KIAA2012: variants seen among roughly 807,000 people sequenced by gnomAD.
KIAA2012 encodes KIAA2012, also known as uncharacterized protein KIAA2012.
A neutral mutation model predicts 150.6 loss-of-function variants in KIAA2012; 125 were observed. The ratio of observed to expected loss-of-function variants is 0.83; its 90% CI spans 0.72 to 0.96. The LOEUF (loss-of-function observed/expected upper bound fraction) is 0.96. Ranked by LOEUF, KIAA2012 falls within the 40% of genes least tolerant of loss-of-function variation. The pLI, the probability that KIAA2012 is intolerant of heterozygous loss-of-function variation, is 0.00. For synonymous variants in KIAA2012, 462 were observed against 504.7 expected (o/e 0.92, Z 1.13); for missense variants, 1,219 against 1,354.9 (o/e 0.90, Z 1.57).
In KIAA2012 at chr2:202,162,802, C is replaced by G. The variant is rs1477660409; in HGVS notation, c.2047-2482C>G. ...AAAATTAGCTGGGCGTGGTGGCGGG[C>G]GCCTATAGTCCCAGCTACTTGGGAG... On this transcript the variant is annotated intron_variant, in intron 14 of 23. Coordinates refer to ENST00000498697, the MANE Select transcript of KIAA2012 (RefSeq NM_001277372.4). Among the ~76,000 whole-genome samples the G allele has an allele frequency of 3.3e-5, 5 of 150,868 alleles. No homozygotes were observed. The East Asian group carries it at 1.0e-3, about 31-fold the overall frequency.
chr2:202,109,905 A>G (rs1690302373), intron 10 of KIAA2012, 116 bp downstream of exon 10: 1 of 871,904 alleles, frequency 1.1e-6, no homozygotes, highest in Non-Finnish European at 1.7e-6. Flanking sequence ...GAAAAGGGGT[A>G]ATTGACACTG....
intron 12 of KIAA2012, among the ~76,000 whole-genome samples, chr2:202,128,146 G>A (rs1181289282): frequency 6.6e-6 from 1 of 151,982 alleles, no homozygotes. Context: ...CTGCCGATGG[G>A]GTGACACTCA....
chr2:202,168,419 AAAAAAAAAAAAAAAAGAAAG>A lies in KIAA2012; in HGVS notation c.2119+3073_2119+3092del, dbSNP rs1205484163. On this transcript the variant is annotated intron_variant, in intron 15 of 23. Coordinates refer to ENST00000498697, the MANE Select transcript of KIAA2012 (RefSeq NM_001277372.4). Reference sequence around the variant, plus strand: ...GACGACAGAGCAAGACTCTGTCTCAAAAAAAAAAAAAAAAAGAAAGAAAAAAAAAGAAAAGTACCCATCAC... The same window carrying A: ...GACGACAGAGCAAGACTCTGTCTCAAAAAAAAAAAGAAAAGTACCCATCAC... Among the ~76,000 whole-genome samples, 6 of 59,338 alleles carry A rather than the reference AAAAAAAAAAAAAAAAGAAAG, an allele frequency of 1.0e-4. No homozygotes were observed. The South Asian group carries it at 1.5e-3, about 15-fold the overall frequency. 38.9% of individuals were successfully genotyped at this position (59,338 alleles called of 152,430 possible).
chr2:202,105,223 G>T (rs1480608390), intron 8 of KIAA2012, among the ~76,000 whole-genome samples: 1 of 150,480 alleles, frequency 6.6e-6, no homozygotes, highest in Non-Finnish European at 1.5e-5. Flanking sequence ...GGGAAGGAAG[G>T]GAAGAAAGGA....
chr2:202,091,650 T>G (rs1689726820), intron 3 of KIAA2012, among the ~76,000 whole-genome samples: 1 of 152,222 alleles, frequency 6.6e-6, no homozygotes, highest in South Asian at 2.1e-4. Context: ...ATCTTCGGGA[T>G]GTACTTCTAC....
chr2:202,184,882 T>G (rs1692196936), intron 16 of KIAA2012, 39 bp downstream of exon 16: 1 of 1,460,626 alleles, frequency 6.8e-7, no homozygotes, highest in Admixed American at 2.4e-5. Context: ...GCTTCTCTGC[T>G]TTTATTTTGT....
At chr2:202,171,939 C>A (rs2105729719) in intron 15 of KIAA2012, among the ~76,000 whole-genome samples, 1 of 151,782 alleles carries the variant, frequency 6.6e-6, no homozygotes, top group Non-Finnish European at 1.5e-5. Flanking sequence ...CTCCGCCTCC[C>A]AGGTTCAAGC....
At chr2:202,124,697 TA>T (rs1455806175) in intron 11 of KIAA2012, among the ~76,000 whole-genome samples, 1 of 152,226 alleles carries the variant, frequency 6.6e-6, no homozygotes, top group Non-Finnish European at 1.5e-5. Context: ...ACATCTTAGA[TA>T]AAAACATTAT....
chr2:202,120,853 GAAT>G (rs938873405), intron 11 of KIAA2012, among the ~76,000 whole-genome samples: 86 of 152,238 alleles, frequency 5.6e-4, no homozygotes, highest in African/African-American at 2.0e-3. Flanking sequence ...AATATTGACT[GAAT>G]AATATTTATA....
chr2:202,199,122 AG>A (rs1692466206), intron 22 of KIAA2012, among the ~76,000 whole-genome samples: 1 of 152,238 alleles, frequency 6.6e-6, no homozygotes, highest in Non-Finnish European at 1.5e-5. Flanking sequence ...TAGTCCAAGT[AG>A]CCGAAAGCAG....
chr2:202,188,411 C>T (rs930048320), intron 18 of KIAA2012, 145 bp downstream of exon 18: 3 of 635,918 alleles, frequency 4.7e-6, no homozygotes, highest in Non-Finnish European at 8.1e-6. Context: ...GGTGTTGCAG[C>T]CTTATGTCAT....
intron 15 of KIAA2012, among the ~76,000 whole-genome samples, chr2:202,182,796 G>A (rs1692148582): frequency 6.6e-6 from 1 of 152,160 alleles, no homozygotes; most frequent in Non-Finnish European, 1.5e-5. Context: ...CAGTAGATGA[G>A]AGTTCCAGTT....
intron 10 of KIAA2012, among the ~76,000 whole-genome samples, chr2:202,112,054 T>C (rs1419035642): frequency 6.6e-6 from 1 of 152,204 alleles, no homozygotes; most frequent in African/African-American, 2.4e-5. Flanking sequence ...TGGAATTTTC[T>C]GAATGATAGT....
At chr2:202,149,501 G>C (rs1001278316) in intron 13 of KIAA2012, among the ~76,000 whole-genome samples, 1 of 152,182 alleles carries the variant, frequency 6.6e-6, no homozygotes, top group Non-Finnish European at 1.5e-5. Context: ...GCAGGTTCCC[G>C]GAGCCTCTTG....
chr2:202,185,440 C>T (rs1193876634), intron 16 of KIAA2012, among the ~76,000 whole-genome samples: 2 of 152,156 alleles, frequency 1.3e-5, no homozygotes, highest in African/African-American at 4.8e-5. Context: ...CTGCTGTCAC[C>T]TGCCCAGGGA....
chr2:202,204,085 T>TGG (rs1692589954), intron 23 of KIAA2012, among the ~76,000 whole-genome samples: 1 of 151,242 alleles, frequency 6.6e-6, no homozygotes, highest in Admixed American at 6.6e-5. Context: ...TGTTTTTTTT[T>TGG]TTTTTTTTTA....
chr2:202,099,558 G>T, intron 5 of KIAA2012, 55 bp from the exon 6 acceptor site: 1 of 1,427,682 alleles, frequency 7.0e-7, no homozygotes, highest in South Asian at 1.4e-5. Flanking sequence ...AAAGAAACCT[G>T]CTCTGCCCCT....
chr2:202,097,343 T>C, intron 4 of KIAA2012, 92 bp from the exon 5 acceptor site: 1 of 1,518,934 alleles, frequency 6.6e-7, no homozygotes, highest in Non-Finnish European at 8.8e-7. Context: ...GCACTTTTAC[T>C]CAGAGAAGCA....
At chr2:202,188,109 C>T (rs1246205291) in intron 17 of KIAA2012, 43 bp from the exon 18 acceptor site, 2 of 1,459,482 alleles carry the variant, frequency 1.4e-6, no homozygotes, top group Admixed American at 2.2e-5. Context: ...TTTTTCATTT[C>T]CTATACATAT....
Sources: gnomAD v4.1 joint callset for allele counts (sites outside exome capture counted in the v4.1 genomes callset) on GRCh38, gnomAD v4.1.1 for gene constraint, MANE v1.5 for transcripts, NCBI Gene and HGNC (gene_info 2026-07-23, HGNC 2026-07-21) for gene names.